Variants in FLVCR1 observed in about 807,000 individuals in gnomAD.
The protein encoded by FLVCR1 is choline/ethanolamine transporter FLVCR1.
Under a neutral mutation model 53.6 loss-of-function variants are expected in FLVCR1, and 34 were observed. The observed-to-expected ratio is 0.63, with a 90% CI of 0.48 to 0.84. The LOEUF (loss-of-function observed/expected upper bound fraction) is 0.84, where lower values mean the gene tolerates loss of function less well. Ranked by LOEUF, FLVCR1 falls within the 40% of genes least tolerant of loss-of-function variation. The pLI is 0.00. For missense variants in FLVCR1, 677 were observed against 696.7 expected (o/e 0.97, Z 0.32); for synonymous variants, 300 against 286.3 (o/e 1.05, Z -0.48).
At chr1:212,887,133 ATTC>A (rs1377559764) in intron 5 of FLVCR1, among the ~76,000 whole-genome samples, 1 of 152,212 alleles carries the variant, frequency 6.6e-6, no homozygotes, top group African/African-American at 2.4e-5. Flanking sequence ...AATTCTCCAT[ATTC>A]TTCCATAATT....
intron 3 of FLVCR1, among the ~76,000 whole-genome samples, chr1:212,877,553 C>T (rs1350717575): frequency 2.0e-5 from 3 of 152,006 alleles, no homozygotes; most frequent in Non-Finnish European, 4.4e-5. Flanking sequence ...GTTCTTTGCC[C>T]ACTTTTTAAT....
At chr1:212,892,244 C>T (rs1206130068) in intron 8 of FLVCR1, among the ~76,000 whole-genome samples, 2 of 152,230 alleles carry the variant, frequency 1.3e-5, no homozygotes, top group African/African-American at 4.8e-5. Flanking sequence ...ATGAAACAGG[C>T]TTATACTGGA....
chr1:212,890,731 G>A (rs573600451), intron 8 of FLVCR1, among the ~76,000 whole-genome samples: 30 of 152,194 alleles, frequency 2.0e-4, no homozygotes, highest in African/African-American at 6.5e-4. Context: ...TTATAACTTA[G>A]TTGGAGAATC....
intron 2 of FLVCR1, among the ~76,000 whole-genome samples, chr1:212,868,563 C>G (rs544930183): frequency 6.6e-6 from 1 of 152,294 alleles, no homozygotes; most frequent in East Asian, 1.9e-4. Context: ...GCGTGCACCA[C>G]CACACCCGGC....
intron 2 of FLVCR1, among the ~76,000 whole-genome samples, chr1:212,872,062 A>G (rs1664613235): frequency 6.6e-6 from 1 of 152,182 alleles, no homozygotes; most frequent in Non-Finnish European, 1.5e-5. Context: ...AAGTCTTTTA[A>G]AAGTTCAATA....
At chr1:212,860,356 T>TTTTTTTTTTTTTTTTTTTG in intron 1 of FLVCR1, among the ~76,000 whole-genome samples, 1 of 139,000 alleles carries the variant, frequency 7.2e-6, no homozygotes, top group Non-Finnish European at 1.6e-5. Context: ...TGTGGTTTTT[T>TTTTTTTTTTTTTTTTTTTG]TTTTTTTTTT....
chr1:212,894,846 T>C (rs1454710666), intron 8 of FLVCR1, 140 bp from the exon 9 acceptor site: 3 of 714,336 alleles, frequency 4.2e-6, no homozygotes, highest in South Asian at 1.5e-5. Context: ...GTACTATTAT[T>C]TTTTAGGCTG....
intron 1 of FLVCR1, among the ~76,000 whole-genome samples, chr1:212,862,071 C>G (rs1042520119): frequency 1.3e-5 from 2 of 152,144 alleles, no homozygotes; most frequent in African/African-American, 4.8e-5. Flanking sequence ...CGCCCTTCCT[C>G]CTAAAAATCT....
chr1:212,873,363 G>A (rs902429996), intron 3 of FLVCR1, among the ~76,000 whole-genome samples: 8 of 151,860 alleles, frequency 5.3e-5, no homozygotes, highest in Non-Finnish European at 1.2e-4. Flanking sequence ...ACAGAAACTC[G>A]GTCTTCTTTT....
intron 5 of FLVCR1, among the ~76,000 whole-genome samples, chr1:212,887,564 C>G (rs10779594): frequency 0.7 from 106,452 of 152,130 alleles, 38,426 homozygotes; most frequent in East Asian, 1. Context: ...AAACTGGTGT[C>G]GTTACAGAAG....
intron 3 of FLVCR1, among the ~76,000 whole-genome samples, chr1:212,877,520 T>A (rs1037887138): frequency 3.0e-4 from 46 of 152,206 alleles, no homozygotes; most frequent in African/African-American, 1.1e-3. Context: ...GCCATGAATG[T>A]CTTTTGAGAA....
At chr1:212,894,108 T>G (rs1331582195) in intron 8 of FLVCR1, among the ~76,000 whole-genome samples, 1 of 90,086 alleles carries the variant, frequency 1.1e-5, no homozygotes, top group East Asian at 1.1e-3. Context: ...GCATGTAGAT[T>G]GATTTTTTTT....
chr1:212,858,868 A>C lies in FLVCR1; in HGVS notation c.416A>C (p.Tyr139Ser), dbSNP rs779426165. 6.2e-7 allele frequency: 1 copy of C among 1,614,206 alleles called. No homozygotes were observed. Among genetic ancestry groups the C allele is most frequent in the Non-Finnish European group, 8.5e-7 (1 of 1,180,028 alleles). Residue 139 changes from tyrosine to serine, a missense_variant, in exon 1 of 10, where the codon TAC (tyrosine) becomes TCC (serine). Transcript: ENST00000366971. ...ATTAGCAACGTCTTCGAGGGCTTCT[A>C]CGGTGTCACCTTGCTGCACATCGAC... ...SIISNVFEGFYGVTLLHIDWL... is the reference protein window; with the variant it reads ...SIISNVFEGFSGVTLLHIDWL...
chr1:212,880,114 C>T (rs1054597512), intron 3 of FLVCR1, among the ~76,000 whole-genome samples: 4 of 152,146 alleles, frequency 2.6e-5, no homozygotes, highest in African/African-American at 9.7e-5. Flanking sequence ...TTGTTATCCT[C>T]ATCTTCCGCA....
At chr1:212,867,177 T>A (rs1263271888) in intron 2 of FLVCR1, among the ~76,000 whole-genome samples, 1 of 152,252 alleles carries the variant, frequency 6.6e-6, no homozygotes, top group Non-Finnish European at 1.5e-5. Context: ...TCTCAAAGGT[T>A]CATGCCATGT....
intron 2 of FLVCR1, among the ~76,000 whole-genome samples, chr1:212,866,495 CTCT>C (rs1236603651): frequency 1.3e-5 from 2 of 149,486 alleles, no homozygotes; most frequent in Non-Finnish European, 3.0e-5. Context: ...TTTTTAAATC[CTCT>C]TCAATTGCTT....
rs1419841789 is a variant in FLVCR1, at chr1:212,859,012, G to C, written c.560G>C (p.Gly187Ala). Residue 187 changes from glycine (G) to alanine (A), a missense_variant, in exon 1 of 10, where the codon GGT (glycine) becomes GCT (alanine). Transcript: ENST00000366971. ...CTGGGCTCCGGCCTCAACTGCCTGG[G>C]TGCCTGGATCAAGTGCGGCAGTGTG... ...ALLGSGLNCL[G>A]AWIKCGSVQQ... 5.6e-6 allele frequency: 9 copies of C among 1,612,596 alleles called. No homozygotes were observed. The highest frequency in any genetic ancestry group is 7.6e-6 in the Non-Finnish European group (9 of 1,178,786).
chr1:212,885,404 A>G lies in FLVCR1; in HGVS notation c.1196+8A>G. ...TTATACTAAAACATACAAGTAAGTG[A>G]AAGTAAATACATGTATGGTGTATAA... On this transcript the variant is annotated splice_region_variant and intron_variant, in intron 5 of 9. Coordinates refer to ENST00000366971, the MANE Select transcript of FLVCR1 (RefSeq NM_014053.4). 1.9e-6 allele frequency: 3 copies of G among 1,583,330 alleles called. No individual in the cohort carries two copies. Among genetic ancestry groups the G allele is most frequent in the Non-Finnish European group, 2.6e-6 (3 of 1,151,892 alleles).
rs1322403738 is a variant in FLVCR1 at position 212,858,887 on chromosome 1, C to G, written c.435C>G (p.His145Gln). 9.3e-6 allele frequency: 15 copies of G among 1,614,140 alleles called. No homozygotes were observed. The highest frequency in any genetic ancestry group is 1.3e-5 in the Non-Finnish European group (15 of 1,180,048). The change falls in exon 1 of 10, where the codon CAC (histidine) becomes CAG (glutamine). Residue 145 changes from histidine (H) to glutamine (Q), a missense_variant. Physicochemically the swap from His to Gln is conservative, Grantham distance 24. Coordinates refer to ENST00000366971, the MANE Select transcript of FLVCR1 (RefSeq NM_014053.4). ...FEGFYGVTLL[H>Q]IDWLSMVYML... is the part of the protein sequence containing the mutation. ...GCTTCTACGGTGTCACCTTGCTGCA[C>G]ATCGACTGGCTGTCCATGGTGTACA...
Sources: gnomAD v4.1 joint callset for allele counts (sites outside exome capture counted in the v4.1 genomes callset) on GRCh38, gnomAD v4.1.1 for gene constraint, MANE v1.5 for transcripts, NCBI Gene and HGNC (gene_info 2026-07-23, HGNC 2026-07-21) for gene names.